The following ABCG2 variants were observed in gnomAD, a reference collection of about 807,000 sequenced individuals.
The protein encoded by ABCG2 is broad substrate specificity ATP-binding cassette transporter ABCG2.
In ABCG2, 80 loss-of-function variants were observed where a neutral mutation model predicts 73.5. The ratio of observed to expected loss-of-function variants is 1.09; its 90% CI spans 0.91 to 1.31. ABCG2 has a LOEUF of 1.31. Among genes scored for constraint, ABCG2 ranks in the 50% most tolerant of loss-of-function variants. The probability of loss-of-function intolerance (pLI) is 0.00; values close to 1 mark genes in which losing one functional copy is unlikely to be tolerated. For missense variants in ABCG2, 796 were observed against 786.2 expected (o/e 1.01, Z -0.15); for synonymous variants, 269 against 282.4 (o/e 0.95, Z 0.48).
intron 7 of ABCG2, 97 bp from the exon 8 acceptor site, chr4:88,115,155 C>T (rs558915805): frequency 6.9e-6 from 5 of 728,800 alleles, no homozygotes; most frequent in South Asian, 1.8e-5. Context: ...CTAGAGAAGA[C>T]AGAATCTAAT....
At chr4:88,099,056 T>C (rs1300021051) in intron 12 of ABCG2, among the ~76,000 whole-genome samples, 1 of 152,108 alleles carries the variant, frequency 6.6e-6, no homozygotes, top group Admixed American at 6.5e-5. Flanking sequence ...TGATCACCAC[T>C]GCACTCCAGC....
intron 1 of ABCG2, among the ~76,000 whole-genome samples, chr4:88,197,574 G>A (rs373480143): frequency 1.3e-5 from 2 of 152,052 alleles, no homozygotes; most frequent in Non-Finnish European, 2.9e-5. Flanking sequence ...CAGTGATCAC[G>A]CGACTGCACT....
chr4:88,175,944 G>A (rs933802586), intron 1 of ABCG2, among the ~76,000 whole-genome samples: 25 of 152,180 alleles, frequency 1.6e-4, no homozygotes, highest in Admixed American at 2.0e-4. Flanking sequence ...TGGTTGTGGG[G>A]ATACTACAGA....
intron 2 of ABCG2, among the ~76,000 whole-genome samples, chr4:88,137,459 T>C (rs2110051452): frequency 1.3e-5 from 2 of 152,288 alleles, no homozygotes; most frequent in South Asian, 4.2e-4. Context: ...GACATCAACA[T>C]GACCAAGTGA....
chr4:88,219,715 G>A (rs1253954984), intron 1 of ABCG2, among the ~76,000 whole-genome samples: 1 of 150,436 alleles, frequency 6.6e-6, no homozygotes, highest in Admixed American at 6.7e-5. Context: ...CCCAGCAGCT[G>A]GGACTACAGG....
intron 9 of ABCG2, among the ~76,000 whole-genome samples, chr4:88,112,091 A>G (rs1043171304): frequency 6.6e-6 from 1 of 151,884 alleles, no homozygotes; most frequent in Non-Finnish European, 1.5e-5. Flanking sequence ...GTCTCTAAAA[A>G]AAAAAAAATG....
intron 6 of ABCG2, among the ~76,000 whole-genome samples, chr4:88,120,872 A>T (rs1390693294): frequency 6.6e-6 from 1 of 152,040 alleles, no homozygotes; most frequent in Non-Finnish European, 1.5e-5. Context: ...TTTGGGAGGG[A>T]GGGGCCAGGG....
chr4:88,113,158 G>C, intron 9 of ABCG2, 145 bp downstream of exon 9: 2 of 1,139,362 alleles, frequency 1.8e-6, no homozygotes, highest in Non-Finnish European at 2.5e-6. Context: ...TCCTTTATTT[G>C]TTCTGCTGAC....
At chr4:88,210,021 T>C (rs1302299552) in intron 1 of ABCG2, among the ~76,000 whole-genome samples, 1 of 152,164 alleles carries the variant, frequency 6.6e-6, no homozygotes, top group Non-Finnish European at 1.5e-5. Flanking sequence ...ATGTGTCCTA[T>C]AAAACAAAAC....
intron 1 of ABCG2, among the ~76,000 whole-genome samples, chr4:88,209,629 C>A (rs1438564039): frequency 3.3e-5 from 5 of 151,902 alleles, no homozygotes; most frequent in Non-Finnish European, 7.4e-5. Flanking sequence ...TGCACTCCAG[C>A]CTGGCTGGGT....
intron 10 of ABCG2, among the ~76,000 whole-genome samples, chr4:88,106,974 G>A (rs577986582): frequency 2.8e-4 from 42 of 152,238 alleles, no homozygotes; most frequent in African/African-American, 8.7e-4. Context: ...CCCGGGAGGC[G>A]GAGATTGCAG....
chr4:88,108,471 G>T (rs1175449139), intron 9 of ABCG2, among the ~76,000 whole-genome samples: 1 of 152,146 alleles, frequency 6.6e-6, no homozygotes, highest in East Asian at 1.9e-4. Context: ...GGTGGAGGTT[G>T]CAGCGAGCCA....
intron 1 of ABCG2, among the ~76,000 whole-genome samples, chr4:88,147,016 GGAAAGAAA>G (rs58050208): frequency 2.1e-3 from 257 of 125,260 alleles, no homozygotes; most frequent in South Asian, 4.2e-3. Flanking sequence ...AGAAAGAAAA[GGAAAGAAA>G]GAAAGAAAGA....
At chr4:88,179,415 G>A (rs993188320) in intron 1 of ABCG2, among the ~76,000 whole-genome samples, 8 of 152,090 alleles carry the variant, frequency 5.3e-5, no homozygotes, top group Admixed American at 1.3e-4. Context: ...AACTCCCACC[G>A]TACACCTGGA....
At chr4:88,115,254 C>CTATATA (rs1303816219) in intron 7 of ABCG2, among the ~76,000 whole-genome samples, 196 bp from the exon 8 acceptor site, 3 of 77,912 alleles carry the variant, frequency 3.9e-5, no homozygotes, top group Admixed American at 3.1e-4. Flanking sequence ...CTCTCTCTCT[C>CTATATA]TCTATATATA....
At chr4:88,117,618 T>C (rs912748385) in intron 7 of ABCG2, among the ~76,000 whole-genome samples, 6 of 152,080 alleles carry the variant, frequency 3.9e-5, no homozygotes, top group Non-Finnish European at 7.4e-5. Context: ...GCCTGGGCAA[T>C]AGAGCAAGAC....
At chr4:88,220,899 C>T (rs1291441808) in intron 1 of ABCG2, among the ~76,000 whole-genome samples, 1 of 152,162 alleles carries the variant, frequency 6.6e-6, no homozygotes, top group Non-Finnish European at 1.5e-5. Flanking sequence ...TCCCCTTCTG[C>T]CATGATTGTA....
At chr4:88,150,448 C>G (rs1726383076) in intron 1 of ABCG2, among the ~76,000 whole-genome samples, 1 of 152,148 alleles carries the variant, frequency 6.6e-6, no homozygotes, top group Non-Finnish European at 1.5e-5. Context: ...GATAAGAGAG[C>G]AGGAACTCGG....
chr4:88,231,220 C>T (rs1180588423), exon 1 of ABCG2: 2 of 152,176 alleles, frequency 1.3e-5, no homozygotes, highest in East Asian at 3.9e-4. Flanking sequence ...AAAGTAGATC[C>T]TGCAGCTACC....
Sources: gnomAD v4.1 joint callset for allele counts (sites outside exome capture counted in the v4.1 genomes callset) on GRCh38, gnomAD v4.1.1 for gene constraint, MANE v1.5 for transcripts, NCBI Gene and HGNC (gene_info 2026-07-23, HGNC 2026-07-21) for gene names.